Variants in NELFB observed in about 807,000 individuals in gnomAD.
The protein encoded by NELFB is negative elongation factor complex member B, also known as negative elongation factor B.
In NELFB, 34 loss-of-function variants were observed where a neutral mutation model predicts 60.2. The observed-to-expected ratio is 0.56, with a 90% CI of 0.43 to 0.75. NELFB has a LOEUF of 0.75. Among genes scored for constraint, NELFB ranks in the 30% least tolerant of loss-of-function variants. The pLI is 0.00. For synonymous variants in NELFB, 459 were observed against 382.1 expected (o/e 1.20, Z -2.35); for missense variants, 770 against 831.6 (o/e 0.93, Z 0.91).
In NELFB at chr9:137,257,014, A is replaced by G. The variant is rs761977903; in HGVS notation, c.701A>G (p.Asn234Ser). 2 of 1,613,528 alleles carry G rather than the reference A, an allele frequency of 1.2e-6. No homozygotes were observed. The highest frequency in any genetic ancestry group is 1.7e-6 in the Non-Finnish European group (2 of 1,179,726). Reference sequence around the variant, plus strand: ...AGTACAGAGCTCTCTGTCCTGCACAACTTTTTCAGTCCTTCCCCCAAGACC... The same window carrying G: ...AGTACAGAGCTCTCTGTCCTGCACAGCTTTTTCAGTCCTTCCCCCAAGACC... Residue 234 changes from asparagine (N) to serine (S), a missense_variant, in exon 4 of 13, where the codon AAC becomes AGC. Asn to Ser is a conservative substitution (Grantham distance 46). Transcript: ENST00000343053.
Position 137,256,812 on chromosome 9 carries a change from G to A in NELFB, c.511-12G>A. 1 of 1,613,112 alleles carries A rather than the reference G, an allele frequency of 6.2e-7. No homozygotes were observed. Among genetic ancestry groups the A allele is most frequent in the Non-Finnish European group, 8.5e-7 (1 of 1,179,304 alleles). ...CAGGTGCCACTCACAGGCAGCCTGT[G>A]GTGTCATGTAGGTTCCGGAGAAAAA... On this transcript the variant is annotated splice_polypyrimidine_tract_variant and intron_variant, in intron 3 of 12. Transcript: ENST00000343053.
At position 137,269,714 on chromosome 9, in the gene NELFB, G is replaced by T. The variant is rs757690314; in HGVS notation, c.1490-2367G>T. ...AGTGTGCAGTGGGTGGCACCTTCTG[G>T]ATTTGTGTCAGTCACTGTGGAGTTC... On this transcript the variant is annotated intron_variant, in intron 10 of 12. Coordinates refer to ENST00000343053, the MANE Select transcript of NELFB (RefSeq NM_015456.5). This position sits in a 1 kb window ranked among gnomAD's most constrained non-coding sequence, Gnocchi z 5.3. 4.6e-5 allele frequency among the ~76,000 whole-genome samples: 7 copies of T among 152,248 alleles called. No homozygotes were observed. The highest frequency in any genetic ancestry group is 8.8e-5 in the Non-Finnish European group (6 of 68,046).
At position 137,267,364 on chromosome 9, in the gene NELFB, G is replaced by T; in HGVS notation, c.1489+18G>T. The T allele has an allele frequency of 6.3e-7, 1 of 1,582,212 alleles. No homozygotes were observed. The highest frequency in any genetic ancestry group is 8.6e-7 in the Non-Finnish European group (1 of 1,164,440). ...CGGGCTGGGTAAGTCCTGACGGGCG[G>T]TGCCTGGCTGTGTCTTCCCTGCGGC... On this transcript the variant is annotated intron_variant, in intron 10 of 12. Transcript: ENST00000343053.
In NELFB at chr9:137,256,690, G is replaced by T. The variant is rs886646929; in HGVS notation, c.511-134G>T. On this transcript the variant is annotated intron_variant, in intron 3 of 12. Transcript: ENST00000343053. ...GTCTGTCTGACATGCTGGGGCCGGG[G>T]AACCAGTCATAGGTGCCCTGTGGGG... is the stretch of plus-strand genomic sequence containing the variant. The T allele has an allele frequency of 1.2e-4, 99 of 829,264 alleles. 4 individuals carry two copies. The highest frequency in any genetic ancestry group is 7.5e-6 in the Non-Finnish European group (4 of 530,318). The allele number at this position is 829,264 out of a possible 1,614,324, so 51.4% of individuals were successfully genotyped here. A position where few individuals can be genotyped will look rare whatever the true frequency, so the allele number is the denominator to read the frequency against.
rs77794072 is a variant in NELFB at position 137,269,331 on chromosome 9, C to T, written c.1489+1985C>T. Among the ~76,000 whole-genome samples the T allele has an allele frequency of 4.2e-3, 645 of 152,272 alleles. 5 individuals carry two copies. Among genetic ancestry groups the T allele is most frequent in the Non-Finnish European group, 8.3e-3 (566 of 68,024 alleles). Reference sequence around the variant, plus strand: ...CCTCCTGGGCTTCTGCGGGTGCCAACACTGCCGCTCCTTCTGGAGGCTCAG... The same window carrying T: ...CCTCCTGGGCTTCTGCGGGTGCCAATACTGCCGCTCCTTCTGGAGGCTCAG... On this transcript the variant is annotated intron_variant, in intron 10 of 12. Coordinates refer to ENST00000343053, the MANE Select transcript of NELFB (RefSeq NM_015456.5). This position sits in a 1 kb window ranked among gnomAD's most constrained non-coding sequence, Gnocchi z 5.3.
intron 10 of NELFB, among the ~76,000 whole-genome samples, chr9:137,270,692 G>A (rs1297068233): frequency 6.6e-6 from 1 of 152,156 alleles, no homozygotes; most frequent in Non-Finnish European, 1.5e-5. Context: ...AGGCCGAGGC[G>A]GGCGGATCAC....
intron 4 of NELFB, among the ~76,000 whole-genome samples, chr9:137,258,293 T>A (rs1188561077): frequency 6.6e-6 from 1 of 151,026 alleles, no homozygotes; most frequent in Non-Finnish European, 1.5e-5. Flanking sequence ...CTGGCTAATT[T>A]GTATACTTTT....
chr9:137,270,280 CAAAA>C (rs989557010), intron 10 of NELFB, among the ~76,000 whole-genome samples: 4 of 53,284 alleles, frequency 7.5e-5, no homozygotes, highest in Non-Finnish European at 1.2e-4. Flanking sequence ...GACTCCGTCT[CAAAA>C]AAAAAAAAAA....
At chr9:137,268,371 G>A (rs774133793) in intron 10 of NELFB, among the ~76,000 whole-genome samples, 65 of 152,176 alleles carry the variant, frequency 4.3e-4, no homozygotes, top group Admixed American at 9.8e-4. Context: ...GGATCACGAG[G>A]TCAGGAGTTC....
chr9:137,262,286 G>T (rs530509987), intron 4 of NELFB, among the ~76,000 whole-genome samples: 1 of 152,140 alleles, frequency 6.6e-6, no homozygotes, highest in Non-Finnish European at 1.5e-5. Context: ...GCTAAGTAGC[G>T]GGTGTTGTTC....
intron 1 of NELFB, 91 bp downstream of exon 1, chr9:137,255,702 C>A: frequency 1.4e-6 from 2 of 1,447,526 alleles, no homozygotes; most frequent in African/African-American, 1.4e-5. Context: ...GGAAGTTTTC[C>A]GGCTTTCTGC....
chr9:137,264,395 C>T (rs1257103469), intron 6 of NELFB, 38 bp downstream of exon 6: 3 of 1,451,774 alleles, frequency 2.1e-6, no homozygotes, highest in Non-Finnish European at 2.8e-6. Context: ...CCCCTCAGGG[C>T]CCTGCGTGCA....
At chr9:137,272,401 G>A in intron 11 of NELFB, 106 bp from the exon 12 acceptor site, 1 of 1,444,908 alleles carries the variant, frequency 6.9e-7, no homozygotes. Flanking sequence ...GGTCCCAAAG[G>A]CTGGCCATGT....
At position 137,255,625 on chromosome 9, in the gene NELFB, C is replaced by T; in HGVS notation, c.246+14C>T. 6.5e-7 allele frequency: 1 copy of T among 1,542,320 alleles called. No homozygotes were observed. Among genetic ancestry groups the T allele is most frequent in the Non-Finnish European group, 8.7e-7 (1 of 1,143,864 alleles). ...GAGCAGTTCCAGGTGGGGCGGCCCCCGGGGCGGGGGGAGCCCAGTTGGAGG... is the reference window on the plus strand; with the variant it reads ...GAGCAGTTCCAGGTGGGGCGGCCCCTGGGGCGGGGGGAGCCCAGTTGGAGG... On this transcript the variant is annotated intron_variant, in intron 1 of 12. Transcript: ENST00000343053.
At chr9:137,261,053 A>AC in intron 4 of NELFB, among the ~76,000 whole-genome samples, 1 of 145,016 alleles carries the variant, frequency 6.9e-6, no homozygotes, top group East Asian at 2.1e-4. Flanking sequence ...CTCAGTCGCA[A>AC]AAAAAAAAGC....
chr9:137,256,114 C>T (rs1300673638), intron 2 of NELFB, 44 bp downstream of exon 2: 3 of 1,587,654 alleles, frequency 1.9e-6, no homozygotes, highest in African/African-American at 1.3e-5. Flanking sequence ...TGCAGCCGGC[C>T]TCTCAGCCTT....
chr9:137,267,115 GTGGCCGTGGCGCAGGGA>G (rs1830529247), intron 9 of NELFB, 29 bp downstream of exon 9: 1 of 1,613,604 alleles, frequency 6.2e-7, no homozygotes, highest in East Asian at 2.2e-5. Context: ...TGGTGCAGGG[GTGGCCGTGGCGCAGGGA>G]TGGCACTGTT....
At chr9:137,262,519 A>T (rs1488665324) in intron 4 of NELFB, among the ~76,000 whole-genome samples, 3 of 152,264 alleles carry the variant, frequency 2.0e-5, no homozygotes, top group Non-Finnish European at 4.4e-5. Context: ...GAGGATTGTT[A>T]TAATATTGGA....
intron 4 of NELFB, among the ~76,000 whole-genome samples, chr9:137,261,205 T>C (rs914842824): frequency 6.6e-6 from 1 of 151,272 alleles, no homozygotes; most frequent in Non-Finnish European, 1.5e-5. Context: ...CTGGGCGTGG[T>C]GGTGGGTGCC....
Sources: gnomAD v4.1 joint callset for allele counts (sites outside exome capture counted in the v4.1 genomes callset) on GRCh38, gnomAD v4.1.1 for gene constraint, Gnocchi (gnomAD v3.1) non-coding constraint, MANE v1.5 for transcripts, NCBI Gene and HGNC (gene_info 2026-07-23, HGNC 2026-07-21) for gene names.